The following CSMD2 variants were observed in gnomAD, a reference collection of about 807,000 sequenced individuals.
CSMD2 encodes the protein CUB and Sushi multiple domains 2.
CSMD2 carries 130 observed loss-of-function variants against 398.5 expected under a neutral mutation model. That is an observed-to-expected ratio of 0.33 (90% CI 0.28 to 0.38). The LOEUF (loss-of-function observed/expected upper bound fraction) is 0.38. Ranked by LOEUF, CSMD2 falls within the 10% of genes least tolerant of loss-of-function variation. The pLI is 1.00. For synonymous variants in CSMD2, 1,828 were observed against 1,908.5 expected (o/e 0.96, Z 1.10); for missense variants, 3,829 against 4,764.9 (o/e 0.80, Z 5.78).
intron 38 of CSMD2, 35 bp from the exon 39 acceptor site, chr1:33,617,010 C>T (rs753251898): frequency 2.6e-6 from 4 of 1,565,456 alleles, no homozygotes; most frequent in African/African-American, 1.4e-5. Flanking sequence ...GGCTAGCTGT[C>T]CCCGTGGGCA....
chr1:33,907,783 A>G (rs1249499524), intron 5 of CSMD2, among the ~76,000 whole-genome samples: 5 of 152,090 alleles, frequency 3.3e-5, no homozygotes, highest in African/African-American at 1.2e-4. Flanking sequence ...CTCTCTGGTG[A>G]GTCTGTGGAT....
intron 57 of CSMD2, among the ~76,000 whole-genome samples, chr1:33,543,487 A>G (rs1483704500): frequency 6.6e-6 from 1 of 152,222 alleles, no homozygotes; most frequent in African/African-American, 2.4e-5. Flanking sequence ...TGGTATTCAT[A>G]GGTGGTTTTG....
intron 41 of CSMD2, among the ~76,000 whole-genome samples, chr1:33,608,484 TC>T (rs1640780924): frequency 6.6e-6 from 1 of 152,104 alleles, no homozygotes; most frequent in Non-Finnish European, 1.5e-5. Context: ...GAAATATGTC[TC>T]CCAAAATTCA....
At chr1:33,739,640 C>T (rs1646993434) in intron 14 of CSMD2, among the ~76,000 whole-genome samples, 1 of 152,316 alleles carries the variant, frequency 6.6e-6, no homozygotes, top group African/African-American at 2.4e-5. Flanking sequence ...TATGAAGTAG[C>T]TCTTGTTACC....
chr1:34,048,041 G>T (rs1211160102), intron 2 of CSMD2, among the ~76,000 whole-genome samples: 2 of 152,274 alleles, frequency 1.3e-5, no homozygotes, highest in East Asian at 3.9e-4. Flanking sequence ...GAGCCAACTT[G>T]GTCTTCCATG....
At chr1:34,132,286 C>T (rs897953156) in intron 1 of CSMD2, among the ~76,000 whole-genome samples, 5 of 152,082 alleles carry the variant, frequency 3.3e-5, no homozygotes, top group Non-Finnish European at 7.4e-5. Flanking sequence ...CCTAATAAAG[C>T]CCCGATTCAC....
rs562176780 is a variant in CSMD2 at position 33,696,606 on chromosome 1, T to C, written c.3925+2147A>G. Among the ~76,000 whole-genome samples, 245 of 152,230 alleles carry C rather than the reference T, an allele frequency of 1.6e-3. 2 individuals carry two copies. The highest frequency in any genetic ancestry group is 5.6e-3 in the African/African-American group (231 of 41,550). ...GAAAGGTGGGAGGGCATTATCCATG[T>C]CCTTGGTTAGAGCTTCCTTCCATAT... On this transcript the variant is annotated intron_variant, in intron 24 of 70. Transcript: ENST00000373381.
intron 51 of CSMD2, among the ~76,000 whole-genome samples, chr1:33,570,991 A>C (rs1460121050): frequency 6.6e-6 from 1 of 152,126 alleles, no homozygotes; most frequent in Non-Finnish European, 1.5e-5. Flanking sequence ...TCTGTCTCAG[A>C]GTGTCTTCCC....
At chr1:34,131,891 A>ACT (rs1460216911) in intron 1 of CSMD2, among the ~76,000 whole-genome samples, 4 of 151,962 alleles carry the variant, frequency 2.6e-5, no homozygotes, top group Admixed American at 2.0e-4. Context: ...CCCTGAAAAT[A>ACT]CTTCTGAGCG....
chr1:33,572,943 C>T (rs1333912064), intron 49 of CSMD2, among the ~76,000 whole-genome samples: 1 of 151,938 alleles, frequency 6.6e-6, no homozygotes, highest in East Asian at 1.9e-4. Context: ...GGGAGGGAGC[C>T]TCAGGGTGAA....
intron 25 of CSMD2, among the ~76,000 whole-genome samples, chr1:33,672,738 C>T (rs1053645753): frequency 1.3e-5 from 2 of 152,198 alleles, no homozygotes; most frequent in African/African-American, 4.8e-5. Flanking sequence ...ACACCTCACA[C>T]GGCTGGGTAC....
chr1:33,944,062 C>G (rs1402442638), intron 3 of CSMD2, among the ~76,000 whole-genome samples: 1 of 151,888 alleles, frequency 6.6e-6, no homozygotes, highest in East Asian at 1.9e-4. Flanking sequence ...GTCACAGGGA[C>G]CTGATTTTTT....
chr1:34,013,667 A>G lies in CSMD2; in HGVS notation c.517+18927T>C, dbSNP rs144910961. Reference sequence around the variant, plus strand: ...ACTGCTGCAAGAACCAGAAACAGACATAACTGTTTTCCAGGTCCACACCTG... The same window carrying G: ...ACTGCTGCAAGAACCAGAAACAGACGTAACTGTTTTCCAGGTCCACACCTG... On this transcript the variant is annotated intron_variant, in intron 3 of 70. Coordinates refer to ENST00000373381, the MANE Select transcript of CSMD2 (RefSeq NM_001281956.2). 1.5e-3 allele frequency among the ~76,000 whole-genome samples: 228 copies of G among 152,270 alleles called. 2 individuals carry two copies. The highest frequency in any genetic ancestry group is 4.2e-3 in the African/African-American group (175 of 41,550).
In CSMD2 at chr1:33,636,451, C is replaced by T; in HGVS notation, c.4878G>A (p.Gly1626=). ...LGSSVTYYCH[G]GYEVEGTSTL... ...TCGAGGTGCCCTCAACTTCGTAGCC[C>T]CCGTGGCAGTAGTAGGTGACGGAGG... Residue 1626 remains glycine, a synonymous_variant, in exon 30 of 71, where the codon GGG becomes GGA. Transcript: ENST00000373381. The surrounding 1 kb of genome is among the most constrained non-coding windows in gnomAD (Gnocchi z 4.8). The T allele has an allele frequency of 6.2e-7, 1 of 1,614,172 alleles. No individual in the cohort carries two copies. The highest frequency in any genetic ancestry group is 1.1e-5 in the South Asian group (1 of 91,076).
In CSMD2 at chr1:33,935,950, G is replaced by T. The variant is rs1644466499; in HGVS notation, c.522C>A (p.Leu174=). Residue 174 remains leucine (L), a synonymous_variant, in exon 4 of 71, where the codon CTC becomes CTA. Transcript: ENST00000373381. The part of the protein sequence containing the change: ...AQGFHATYEV[L]PSHTCGNPGR... ...CTGGGTTCCCACATGTGTGGCTGGG[G>T]AGAACTGTGAGGAGAAACAGAGAAA... is the stretch of plus-strand genomic sequence containing the variant. The T allele has an allele frequency of 1.2e-6, 2 of 1,607,674 alleles. No individual in the cohort carries two copies. The highest frequency in any genetic ancestry group is 1.3e-5 in the African/African-American group (1 of 74,872).
At chr1:33,746,170 G>A (rs1261001707) in intron 13 of CSMD2, among the ~76,000 whole-genome samples, 1 of 152,148 alleles carries the variant, frequency 6.6e-6, no homozygotes. Context: ...TATTACATTA[G>A]CACTGAATTG....
chr1:33,562,311 T>C (rs1481465116), intron 53 of CSMD2, among the ~76,000 whole-genome samples: 2 of 152,210 alleles, frequency 1.3e-5, no homozygotes, highest in Non-Finnish European at 2.9e-5. Flanking sequence ...CCAGGTGTCA[T>C]CTCTGGTGCC....
In CSMD2 at chr1:33,918,308, G is replaced by C; in HGVS notation, c.713-7C>G. Reference sequence around the variant, plus strand: ...CCACCACAGGCATCATCAGCTGTGGGCACAGAGAGAAGAGGCTTACATGAG... The same window carrying C: ...CCACCACAGGCATCATCAGCTGTGGCCACAGAGAGAAGAGGCTTACATGAG... On this transcript the variant is annotated splice_polypyrimidine_tract_variant and splice_region_variant and intron_variant, in intron 4 of 70. Coordinates refer to ENST00000373381, the MANE Select transcript of CSMD2 (RefSeq NM_001281956.2). 4 of 1,612,964 alleles carry C rather than the reference G, an allele frequency of 2.5e-6. No individual in the cohort carries two copies. The highest frequency in any genetic ancestry group is 3.4e-6 in the Non-Finnish European group (4 of 1,179,514).
At position 33,571,552 on chromosome 1, in the gene CSMD2, T is replaced by C; in HGVS notation, c.7937A>G (p.Asp2646Gly). Reference sequence around the variant, plus strand: ...CTTACTTCGGCAGGTGGGCGTAGAGTCCCCGAGGCTCCATTTGCCATTGGC... The same window carrying C: ...CTTACTTCGGCAGGTGGGCGTAGAGCCCCCGAGGCTCCATTTGCCATTGGC... ...CQANGKWSLG[D>G]STPTCRIISC... is the part of the protein sequence containing the mutation. The change falls in exon 51 of 71, where the codon GAC (aspartate) becomes GGC (glycine). Residue 2646 changes from aspartate to glycine, a missense_variant. Asp to Gly is a moderately conservative substitution (Grantham distance 94). This residue lies in a region of CSMD2 where 723 missense variants were observed against 758.6 expected (regional missense o/e 0.95). Transcript: ENST00000373381. 6.6e-7 allele frequency: 1 copy of C among 1,509,324 alleles called. No individual in the cohort carries two copies. The highest frequency in any genetic ancestry group is 9.0e-7 in the Non-Finnish European group (1 of 1,113,438). The allele number at this position is 1,509,324 out of a possible 1,614,324, so 93.5% of individuals were successfully genotyped here. A position where few individuals can be genotyped will look rare whatever the true frequency, so the allele number is the denominator to read the frequency against.
Sources: gnomAD v4.1 joint callset for allele counts (sites outside exome capture counted in the v4.1 genomes callset) on GRCh38, gnomAD v4.1.1 for gene constraint, gnomAD v4.1.1 regional missense constraint, Gnocchi (gnomAD v3.1) non-coding constraint, MANE v1.5 for transcripts, NCBI Gene and HGNC (gene_info 2026-07-23, HGNC 2026-07-21) for gene names.